The following CSMD1 variants were observed in gnomAD, a reference collection of about 807,000 sequenced individuals.
CSMD1 encodes the protein CUB and sushi domain-containing protein 1.
CSMD1 carries 213 observed loss-of-function variants against 417.5 expected under a neutral mutation model. That is an observed-to-expected ratio of 0.51 (90% CI 0.46 to 0.57). CSMD1 has a LOEUF of 0.57. Among genes scored for constraint, CSMD1 ranks in the 20% least tolerant of loss-of-function variants. The pLI is 0.00. For synonymous variants in CSMD1, 2,862 were observed against 1,736.8 expected, an observed-to-expected ratio of 1.65 and a Z score of -16.11; for missense variants, 6,923 against 4,529.7, an observed-to-expected ratio of 1.53 and a Z score of -15.17.
intron 3 of CSMD1, among the ~76,000 whole-genome samples, chr8:4,229,173 G>T (rs567574754): frequency 6.6e-6 from 1 of 152,268 alleles, no homozygotes; most frequent in Admixed American, 6.5e-5. Flanking sequence ...CAAAAACCCG[G>T]AGTCAACTTG....
chr8:3,211,313 G>C (rs922301166), intron 30 of CSMD1, among the ~76,000 whole-genome samples: 4 of 152,204 alleles, frequency 2.6e-5, no homozygotes, highest in African/African-American at 9.7e-5. Context: ...TCAAAGTGCT[G>C]AGATTACAGG....
rs764596134 is a variant in CSMD1 at position 3,307,677 on chromosome 8, C to T, written c.3950+18G>A. 6.2e-7 allele frequency: 1 copy of T among 1,610,460 alleles called. No homozygotes were observed. Among genetic ancestry groups the T allele is most frequent in the East Asian group, 2.2e-5 (1 of 44,746 alleles). ...TATCTCTTTTCTCAAATCACTGAAA[C>T]CAAAATAAAACAAGTACCTAATGGT... On this transcript the variant is annotated intron_variant, in intron 25 of 69. Coordinates refer to ENST00000635120, the MANE Select transcript of CSMD1 (RefSeq NM_033225.6).
intron 3 of CSMD1, among the ~76,000 whole-genome samples, chr8:4,297,191 G>A (rs1216945876): frequency 6.6e-6 from 1 of 151,974 alleles, no homozygotes; most frequent in Non-Finnish European, 1.5e-5. Flanking sequence ...ATCTAGAAAT[G>A]TATTTTTTTA....
chr8:4,909,881 G>C (rs1298860733), intron 1 of CSMD1, among the ~76,000 whole-genome samples: 2 of 152,156 alleles, frequency 1.3e-5, no homozygotes, highest in Admixed American at 6.5e-5. Context: ...CATTGATTTG[G>C]GGTTTGCCCA....
At chr8:4,165,108 T>C (rs1797378628) in intron 3 of CSMD1, among the ~76,000 whole-genome samples, 1 of 152,172 alleles carries the variant, frequency 6.6e-6, no homozygotes, top group African/African-American at 2.4e-5. Context: ...AACTAAGAAT[T>C]CATGTGCTGG....
rs192861253 is a variant in CSMD1 at position 2,974,591 on chromosome 8, T to C, written c.8600A>G (p.Asn2867Ser). The C allele has an allele frequency of 6.2e-7, 1 of 1,611,198 alleles. No homozygotes were observed. The highest frequency in any genetic ancestry group is 8.5e-7 in the Non-Finnish European group (1 of 1,178,600). The change falls in exon 56 of 70, where the codon AAC (asparagine) becomes AGC (serine). Residue 2867 changes from asparagine to serine, a missense_variant. Transcript: ENST00000635120. ...ISCGHPGVPA[N>S]AVLTGELFTY... ...AAACAGCTCTCCAGTGAGGACGGCG[T>C]TGGCAGGGACCCCTGGGTGTCCACA...
intron 3 of CSMD1, among the ~76,000 whole-genome samples, chr8:4,205,705 A>G (rs1799939561): frequency 1.6e-5 from 2 of 126,644 alleles, no homozygotes; most frequent in African/African-American, 7.1e-5. Flanking sequence ...TTCCTACCAA[A>G]TAATAGAGGT....
chr8:3,101,774 G>C (rs951463170), intron 46 of CSMD1, among the ~76,000 whole-genome samples: 4 of 148,402 alleles, frequency 2.7e-5, no homozygotes, highest in Non-Finnish European at 4.5e-5. Flanking sequence ...CCTAAAATTG[G>C]TGATAATTTT....
intron 1 of CSMD1, among the ~76,000 whole-genome samples, chr8:4,915,067 A>G (rs1408390314): frequency 4.6e-5 from 7 of 152,232 alleles, no homozygotes; most frequent in Non-Finnish European, 8.8e-5. Context: ...TGAATTAAAT[A>G]CACTCGGTTT....
chr8:3,839,462 A>T (rs550403584), intron 5 of CSMD1, among the ~76,000 whole-genome samples: 1,921 of 124,420 alleles, frequency 0.015, 61 homozygotes, highest in African/African-American at 0.055. Flanking sequence ...ATAATATATT[A>T]TATATTATAT....
chr8:4,921,219 G>A (rs373238215), intron 1 of CSMD1, among the ~76,000 whole-genome samples: 161 of 152,204 alleles, frequency 1.1e-3, no homozygotes, highest in Middle Eastern at 6.8e-3. Flanking sequence ...TCCCTCTCAC[G>A]TTCCATTCAG....
chr8:4,370,028 T>C (rs1802309128), intron 3 of CSMD1, among the ~76,000 whole-genome samples: 1 of 152,170 alleles, frequency 6.6e-6, no homozygotes, highest in South Asian at 2.1e-4. Context: ...AGTTGTATAG[T>C]TGATTTATAA....
chr8:3,339,014 T>G (rs1427981962), intron 23 of CSMD1, among the ~76,000 whole-genome samples: 2 of 121,478 alleles, frequency 1.6e-5, no homozygotes, highest in East Asian at 5.0e-4. Flanking sequence ...GTCCCCTGAG[T>G]GTGATATTCC....
At chr8:4,602,310 T>C (rs1482700923) in intron 2 of CSMD1, among the ~76,000 whole-genome samples, 1 of 152,088 alleles carries the variant, frequency 6.6e-6, no homozygotes, top group Non-Finnish European at 1.5e-5. Context: ...ATAAGGCACT[T>C]CAGAGGTCCG....
chr8:3,174,802 T>A (rs1235092113), intron 37 of CSMD1, among the ~76,000 whole-genome samples: 1 of 152,168 alleles, frequency 6.6e-6, no homozygotes, highest in African/African-American at 2.4e-5. Flanking sequence ...ATTTTTTCCA[T>A]TAAATTTTTT....
chr8:4,265,230 G>A (rs552591934), intron 3 of CSMD1, among the ~76,000 whole-genome samples: 1 of 151,972 alleles, frequency 6.6e-6, no homozygotes, highest in African/African-American at 2.4e-5. Context: ...GTTACAAATT[G>A]TATTCATATA....
At chr8:4,210,975 T>C (rs1800272166) in intron 3 of CSMD1, among the ~76,000 whole-genome samples, 1 of 152,174 alleles carries the variant, frequency 6.6e-6, no homozygotes, top group African/African-American at 2.4e-5. Context: ...AAAAATCTCT[T>C]CAGGCAATTA....
chr8:4,369,301 T>G (rs1030740076), intron 3 of CSMD1, among the ~76,000 whole-genome samples: 1 of 152,158 alleles, frequency 6.6e-6, no homozygotes, highest in South Asian at 2.1e-4. Flanking sequence ...TGCTGTTTTA[T>G]TTGTGGTTGT....
chr8:3,824,252 C>CT (rs760547095), intron 5 of CSMD1, among the ~76,000 whole-genome samples: 1 of 140,884 alleles, frequency 7.1e-6, no homozygotes, highest in African/African-American at 2.6e-5. Context: ...AAACAAAAAC[C>CT]AAAAAAAAAA....
Sources: gnomAD v4.1 joint callset for allele counts (sites outside exome capture counted in the v4.1 genomes callset) on GRCh38, gnomAD v4.1.1 for gene constraint, MANE v1.5 for transcripts, NCBI Gene and HGNC (gene_info 2026-07-23, HGNC 2026-07-21) for gene names.